Variants in KLHL13 observed in about 807,000 individuals in gnomAD.
KLHL13 encodes the protein kelch like family member 13.
Under a neutral mutation model 37.1 loss-of-function variants are expected in KLHL13, and 10 were observed. That is an observed-to-expected ratio of 0.27 (90% CI 0.17 to 0.46). The LOEUF (loss-of-function observed/expected upper bound fraction) is 0.46, where lower values mean the gene tolerates loss of function less well. Ranked by LOEUF, KLHL13 falls within the 20% of genes least tolerant of loss-of-function variation. The pLI is 1.00. For synonymous variants in KLHL13, 163 were observed against 181.2 expected, an observed-to-expected ratio of 0.90 and a Z score of 0.81; for missense variants, 360 against 509.3, an observed-to-expected ratio of 0.71 and a Z score of 2.82.
At chrX:117,952,963 T>C (rs1933706203) in intron 1 of KLHL13, among the ~76,000 whole-genome samples, 1 of 111,317 alleles carries the variant, frequency 9.0e-6, no homozygotes, top group South Asian at 3.8e-4. Context: ...GGTGGGACTG[T>C]AAACTAGTTC....
chrX:118,097,744 G>C (rs1487363204), intron 1 of KLHL13, among the ~76,000 whole-genome samples: 5 of 111,175 alleles, frequency 4.5e-5, no homozygotes, highest in Non-Finnish European at 3.8e-5. Flanking sequence ...TAGACCAATG[G>C]AACAGAACAG....
At position 117,915,264 on chromosome X, in the gene KLHL13, T is replaced by C. The variant is rs74730417; in HGVS notation, c.570+4257A>G. Among the ~76,000 whole-genome samples the C allele has an allele frequency of 1.6e-3, 176 of 112,329 alleles. No individual in the cohort carries two copies. The East Asian group carries it at 0.023, about 15-fold the overall frequency. On this transcript the variant is annotated intron_variant, in intron 4 of 6. Transcript: ENST00000262820. ...ACTATGCAGGAAATCCTCAGTAATT[T>C]AGTAACAGAGGCAAAGCAAAAGGAA... is the stretch of plus-strand genomic sequence containing the variant.
At chrX:117,920,150 C>A in intron 3 of KLHL13, 88 bp downstream of exon 4, 3 of 1,004,493 alleles carry the variant, frequency 3.0e-6, no homozygotes, top group Non-Finnish European at 4.1e-6. Flanking sequence ...CCAAAAGAAC[C>A]AAATTTCATG....
chrX:118,099,919 AAAGGAAGGAAGG>A (rs59085638), intron 1 of KLHL13, among the ~76,000 whole-genome samples: 1 of 102,165 alleles, frequency 9.8e-6, no homozygotes, highest in African/African-American at 3.9e-5. Flanking sequence ...AGGAAGGAAG[AAAGGAAGGAAGG>A]AAGGAAGGAA....
At chrX:118,114,376 T>C (rs2055444703) in intron 1 of KLHL13, among the ~76,000 whole-genome samples, 2 of 112,390 alleles carry the variant, frequency 1.8e-5, no homozygotes, top group African/African-American at 6.5e-5. Context: ...TTGAGTCATA[T>C]TGAAGATTCA....
intron 4 of KLHL13, among the ~76,000 whole-genome samples, chrX:117,918,251 T>C (rs1569414675): frequency 8.9e-6 from 1 of 111,748 alleles, no homozygotes; most frequent in Non-Finnish European, 1.9e-5. Context: ...CTGAGTTTTC[T>C]AAAATCAAAC....
intron 1 of KLHL13, among the ~76,000 whole-genome samples, chrX:117,954,411 T>G (rs184575938): frequency 9.0e-6 from 1 of 110,954 alleles, no homozygotes. Flanking sequence ...GGTAGACGGA[T>G]GGATGGATGG....
At chrX:118,077,183 T>A (rs1032599812) in intron 1 of KLHL13, among the ~76,000 whole-genome samples, 2 of 111,293 alleles carry the variant, frequency 1.8e-5, no homozygotes, top group South Asian at 3.7e-4. Context: ...GTGTGGTGGG[T>A]CTCCAATGAA....
At chrX:117,991,197 G>A (rs1023695631) in intron 1 of KLHL13, among the ~76,000 whole-genome samples, 1 of 108,903 alleles carries the variant, frequency 9.2e-6, no homozygotes, top group Non-Finnish European at 1.9e-5. Context: ...CTTGAATTTT[G>A]GGACACAGAA....
chrX:117,978,650 A>T (rs1196024328), upstream of KLHL13, among the ~76,000 whole-genome samples: 2 of 111,060 alleles, frequency 1.8e-5, no homozygotes, highest in Non-Finnish European at 3.8e-5. Flanking sequence ...GTTGTTGGGG[A>T]CCCGATGATC....
intron 1 of KLHL13, among the ~76,000 whole-genome samples, chrX:118,098,827 A>C (rs2148169274): frequency 9.6e-6 from 1 of 104,081 alleles, no homozygotes; most frequent in African/African-American, 3.5e-5. Context: ...CCGCAAAGAC[A>C]AAAAACCAAA....
chrX:118,012,370 T>G (rs2054079337), intron 1 of KLHL13, among the ~76,000 whole-genome samples: 1 of 110,078 alleles, frequency 9.1e-6, no homozygotes, highest in Non-Finnish European at 1.9e-5. Context: ...GGAGAGATGG[T>G]TTTCTTGTTG....
chrX:118,003,429 G>C (rs1355663317), intron 1 of KLHL13, among the ~76,000 whole-genome samples: 2 of 110,602 alleles, frequency 1.8e-5, no homozygotes, highest in Non-Finnish European at 3.8e-5. Context: ...TTAGTGAAAA[G>C]AAAAAAAATT....
intron 1 of KLHL13, among the ~76,000 whole-genome samples, chrX:118,071,012 T>G (rs2054856937): frequency 9.2e-6 from 1 of 108,682 alleles, no homozygotes; most frequent in South Asian, 4.1e-4. Flanking sequence ...TGGTGTTTGG[T>G]TTTTTCTTCT....
chrX:118,065,357 C>CA (rs963699194), intron 1 of KLHL13, among the ~76,000 whole-genome samples: 1 of 111,361 alleles, frequency 9.0e-6, no homozygotes, highest in African/African-American at 3.3e-5. Context: ...GTAGACCCAG[C>CA]ACCCTTCTCA....
chrX:117,983,394 T>G, intron 1 of KLHL13: 1 of 521,605 alleles, frequency 1.9e-6, no homozygotes, highest in Admixed American at 3.7e-5. Context: ...ATAACTGTCT[T>G]CTAGTATTCT....
At chrX:117,983,180 TC>T (rs1369158751) in intron 1 of KLHL13, among the ~76,000 whole-genome samples, 6 of 111,572 alleles carry the variant, frequency 5.4e-5, no homozygotes, top group African/African-American at 1.6e-4. Flanking sequence ...AGTGTTATCT[TC>T]CCCCATCTGT....
At chrX:118,002,454 G>A (rs757691597) in intron 1 of KLHL13, among the ~76,000 whole-genome samples, 9 of 109,266 alleles carry the variant, frequency 8.2e-5, no homozygotes, top group Admixed American at 3.9e-4. Context: ...TTAGCCGGGC[G>A]TGGTGCTGCA....
chrX:117,985,654 C>T (rs990623207), intron 1 of KLHL13, among the ~76,000 whole-genome samples: 39 of 110,373 alleles, frequency 3.5e-4, no homozygotes, highest in African/African-American at 9.9e-4. Flanking sequence ...CAAATACTAA[C>T]ACCAGGAAAT....
Sources: gnomAD v4.1 joint callset for allele counts (sites outside exome capture counted in the v4.1 genomes callset) on GRCh38, gnomAD v4.1.1 for gene constraint, MANE v1.5 for transcripts, NCBI Gene and HGNC (gene_info 2026-07-23, HGNC 2026-07-21) for gene names.